CSMD2: variants seen among roughly 807,000 people sequenced by gnomAD.
The protein encoded by CSMD2 is CUB and sushi domain-containing protein 2.
A neutral mutation model predicts 398.5 loss-of-function variants in CSMD2; 130 were observed. That is an observed-to-expected ratio of 0.33 (90% confidence interval 0.28 to 0.38). The LOEUF is 0.38. Ranked by LOEUF, CSMD2 falls within the 10% of genes least tolerant of loss-of-function variation. CSMD2 has a pLI of 1.00. For missense variants in CSMD2, 3,829 were observed against 4,764.9 expected (o/e 0.80, Z 5.78); for synonymous variants, 1,828 against 1,908.5 (o/e 0.96, Z 1.10).
chr1:34,129,423 A>G (rs1459359677), intron 1 of CSMD2, among the ~76,000 whole-genome samples: 1 of 152,152 alleles, frequency 6.6e-6, no homozygotes, highest in Non-Finnish European at 1.5e-5. Flanking sequence ...AGGCTGAGGC[A>G]GGCAGATCAC....
At chr1:33,694,778 G>A (rs1027221472) in intron 24 of CSMD2, among the ~76,000 whole-genome samples, 1 of 152,132 alleles carries the variant, frequency 6.6e-6, no homozygotes, top group Admixed American at 6.5e-5. Flanking sequence ...AATAAAAATG[G>A]TCCCTGAGTG....
chr1:33,883,175 T>C (rs183298418), intron 5 of CSMD2, among the ~76,000 whole-genome samples: 105 of 152,322 alleles, frequency 6.9e-4, no homozygotes, highest in African/African-American at 2.3e-3. Flanking sequence ...CTTTCTTCCA[T>C]AGAATGGACA....
chr1:33,689,660 C>A (rs1252039977), intron 25 of CSMD2, among the ~76,000 whole-genome samples: 1 of 152,138 alleles, frequency 6.6e-6, no homozygotes, highest in Non-Finnish European at 1.5e-5. Context: ...CCTTAATTCC[C>A]AGAGAATTAA....
intron 49 of CSMD2, among the ~76,000 whole-genome samples, chr1:33,573,341 G>A (rs1179489515): frequency 6.6e-6 from 1 of 152,134 alleles, no homozygotes; most frequent in Non-Finnish European, 1.5e-5. Flanking sequence ...AAAATCAGCA[G>A]TGCGAACAAG....
intron 12 of CSMD2, among the ~76,000 whole-genome samples, chr1:33,781,344 C>G (rs942923334): frequency 1.3e-5 from 2 of 152,232 alleles, no homozygotes; most frequent in Admixed American, 6.5e-5. Context: ...TTTGCTGCCC[C>G]TCCTTTGTAT....
intron 5 of CSMD2, among the ~76,000 whole-genome samples, chr1:33,897,199 T>G (rs140535786): frequency 1.5e-4 from 23 of 152,260 alleles, no homozygotes; most frequent in African/African-American, 5.5e-4. Flanking sequence ...GTAGGGTTTA[T>G]GTGGATTCAG....
At position 34,106,730 on chromosome 1, in the gene CSMD2, C is replaced by T. The variant is rs78792204; in HGVS notation, c.188-17537G>A. On this transcript the variant is annotated intron_variant, in intron 1 of 70. Transcript: ENST00000373381. ...CCTTTTTCCTCTCAAGCTGGGGATGCATGCAACAAAGGCACAAAACAATGC... is the reference window on the plus strand; with the variant it reads ...CCTTTTTCCTCTCAAGCTGGGGATGTATGCAACAAAGGCACAAAACAATGC... 9.7e-3 allele frequency among the ~76,000 whole-genome samples: 1,477 copies of T among 152,238 alleles called. 21 individuals are homozygous for T. Among genetic ancestry groups the T allele is most frequent in the African/African-American group, 0.034 (1,420 of 41,534 alleles).
intron 5 of CSMD2, among the ~76,000 whole-genome samples, chr1:33,868,362 T>C (rs147302125): frequency 2.0e-5 from 3 of 152,336 alleles, no homozygotes; most frequent in East Asian, 3.9e-4. Context: ...GCCTGCAATA[T>C]AACAGCAACT....
At chr1:33,776,735 G>C (rs1423428234) in intron 12 of CSMD2, among the ~76,000 whole-genome samples, 1 of 151,948 alleles carries the variant, frequency 6.6e-6, no homozygotes. Context: ...CAAAGGAGCT[G>C]AACATGTTGT....
In CSMD2 at chr1:33,625,263, G is replaced by T. The variant is rs372830550; in HGVS notation, c.5297-9C>A. ...GCTGGTTCGAGGAACCGCTGTGGGG[G>T]ACAAGGGCACTGAGGGGAGGCCTCA... On this transcript the variant is annotated splice_polypyrimidine_tract_variant and intron_variant, in intron 33 of 70. Coordinates refer to ENST00000373381, the MANE Select transcript of CSMD2 (RefSeq NM_001281956.2). 1.7e-5 allele frequency: 28 copies of T among 1,606,800 alleles called. No homozygotes were observed. The highest frequency in any genetic ancestry group is 1.2e-4 in the Admixed American group (7 of 59,090).
At chr1:33,638,368 A>T (rs1006750996) in intron 29 of CSMD2, among the ~76,000 whole-genome samples, 3 of 152,238 alleles carry the variant, frequency 2.0e-5, no homozygotes, top group Non-Finnish European at 4.4e-5. Context: ...ACTAAAGTTC[A>T]GAAAAATTAA....
Position 33,820,530 on chromosome 1 carries a change from G to A in CSMD2, c.1138C>T (p.His380Tyr). 1 of 1,278,708 alleles carries A rather than the reference G, an allele frequency of 7.8e-7. No homozygotes were observed. The highest frequency in any genetic ancestry group is 1.1e-6 in the Non-Finnish European group (1 of 905,330). 79.2% of individuals were successfully genotyped at this position (1,278,708 alleles called of 1,614,324 possible). A position where few individuals can be genotyped will look rare whatever the true frequency, so the allele number is the denominator to read the frequency against. The change falls in exon 8 of 71, where the codon CAT becomes TAT. Residue 380 changes from histidine (H) to tyrosine (Y), a missense_variant. Around this residue, in one of 5 missense-constraint regions of CSMD2, gnomAD observed 2,001 missense variants for 2,567.1 expected, o/e 0.78. Coordinates refer to ENST00000373381, the MANE Select transcript of CSMD2 (RefSeq NM_001281956.2). ...ATGCCAGGGTCTGGACACATATTAT[G>A]TCCTTGGGACACACCAACCTGAGTT... ...VLTQVGVSQG[H>Y]NMCPDPGIPE...
intron 2 of CSMD2, among the ~76,000 whole-genome samples, chr1:34,071,602 T>C (rs1470160864): frequency 6.6e-6 from 1 of 152,178 alleles, no homozygotes; most frequent in African/African-American, 2.4e-5. Flanking sequence ...CATTTCCATC[T>C]ACCTTCCACT....
chr1:33,706,861 G>A (rs4653347), intron 22 of CSMD2, among the ~76,000 whole-genome samples: 48,520 of 151,446 alleles, frequency 0.32, 8,477 homozygotes, highest in Middle Eastern at 0.47. Context: ...TTGTGTGCGT[G>A]TGCATGTGTG....
intron 24 of CSMD2, among the ~76,000 whole-genome samples, chr1:33,696,127 A>G (rs917138313): frequency 6.6e-6 from 1 of 152,230 alleles, no homozygotes; most frequent in Non-Finnish European, 1.5e-5. Flanking sequence ...AATCAAATGA[A>G]TGGAAGCAGA....
chr1:33,852,858 T>C (rs1211028339), intron 5 of CSMD2, among the ~76,000 whole-genome samples: 2 of 152,238 alleles, frequency 1.3e-5, no homozygotes, highest in Non-Finnish European at 2.9e-5. Flanking sequence ...TGCCCATTCA[T>C]TCATTTACAA....
intron 2 of CSMD2, among the ~76,000 whole-genome samples, chr1:34,074,873 T>C (rs1656145214): frequency 6.6e-6 from 1 of 151,986 alleles, no homozygotes; most frequent in Admixed American, 6.5e-5. Context: ...GAGGAATGAG[T>C]AAGGGACAAC....
At chr1:34,078,428 C>T (rs1225553353) in intron 2 of CSMD2, among the ~76,000 whole-genome samples, 2 of 152,116 alleles carry the variant, frequency 1.3e-5, no homozygotes, top group African/African-American at 2.4e-5. Flanking sequence ...GATGAAGTGT[C>T]ATCACAGGCA....
rs765556504 is a variant in CSMD2 at position 33,657,932 on chromosome 1, C to T, written c.4447+14G>A. 11 of 1,604,010 alleles carry T rather than the reference C, an allele frequency of 6.9e-6. No individual in the cohort carries two copies. The Admixed American group carries it at 1.7e-4, about 24-fold the overall frequency. On this transcript the variant is annotated intron_variant, in intron 27 of 70. Coordinates refer to ENST00000373381, the MANE Select transcript of CSMD2 (RefSeq NM_001281956.2). The stretch of plus-strand genomic sequence containing the variant: ...AGCCCCAAGAGCAGAGTGCACCCTG[C>T]AGCTGCTTTGTACCGATGCATGTTG...
Sources: allele counts gnomAD v4.1 joint callset (sites outside exome capture counted in the v4.1 genomes callset), GRCh38; gene constraint gnomAD v4.1.1; regional missense constraint gnomAD v4.1.1; transcripts MANE v1.5; gene names NCBI Gene and HGNC (gene_info 2026-07-23, HGNC 2026-07-21).